The following MGMT variants were observed in gnomAD, a reference collection of about 807,000 sequenced individuals.
MGMT encodes the protein O-6-methylguanine-DNA methyltransferase, also known as methylated-DNA--protein-cysteine methyltransferase.
In MGMT, 14 loss-of-function variants were observed where a neutral mutation model predicts 15.9. The ratio of observed to expected loss-of-function variants is 0.88; its 90% CI spans 0.58 to 1.37. MGMT has a LOEUF of 1.37. Ranked by LOEUF, MGMT falls within the 40% of genes most tolerant of loss-of-function variation. MGMT has a pLI of 0.00. For missense variants in MGMT, 282 were observed against 268.1 expected (o/e 1.05, Z -0.36); for synonymous variants, 130 against 118.2 (o/e 1.10, Z -0.65).
chr10:129,501,720 G>A (rs1478759929), intron 1 of MGMT, among the ~76,000 whole-genome samples: 1 of 152,136 alleles, frequency 6.6e-6, no homozygotes, highest in African/African-American at 2.4e-5. Flanking sequence ...CGACCATTCC[G>A]AGGACTCTAA....
intron 3 of MGMT, among the ~76,000 whole-genome samples, chr10:129,710,872 T>C (rs1276987586): frequency 6.6e-6 from 1 of 152,248 alleles, no homozygotes; most frequent in African/African-American, 2.4e-5. Context: ...TTCCTTTTTC[T>C]GCACATTTTA....
intron 1 of MGMT, among the ~76,000 whole-genome samples, chr10:129,495,901 C>T (rs1278481219): frequency 6.6e-6 from 1 of 152,184 alleles, no homozygotes; most frequent in African/African-American, 2.4e-5. Context: ...AGGCCAGAGT[C>T]TGGTGTCCTC....
chr10:129,754,701 C>T (rs371606452), intron 3 of MGMT, among the ~76,000 whole-genome samples: 8 of 152,342 alleles, frequency 5.3e-5, no homozygotes, highest in African/African-American at 1.7e-4. Flanking sequence ...AGGGCCACCC[C>T]GTGGTGGAAG....
intron 1 of MGMT, among the ~76,000 whole-genome samples, chr10:129,473,083 C>T (rs1450457666): frequency 1.3e-5 from 2 of 152,194 alleles, no homozygotes; most frequent in Non-Finnish European, 2.9e-5. Context: ...GGAGCCTTGA[C>T]ATTATTCATC....
At chr10:129,646,093 CATTT>C (rs142099978) in intron 2 of MGMT, among the ~76,000 whole-genome samples, 7,501 of 152,076 alleles carry the variant, frequency 0.049, 218 homozygotes, top group Middle Eastern at 0.088. Flanking sequence ...ACAGATATGA[CATTT>C]ATAAGCCAGA....
chr10:129,560,840 T>A (rs748639646), intron 2 of MGMT, among the ~76,000 whole-genome samples: 1 of 152,196 alleles, frequency 6.6e-6, no homozygotes, highest in Non-Finnish European at 1.5e-5. Context: ...CTGTTGCTGC[T>A]ATGGAATTTC....
At chr10:129,482,342 A>G (rs937300985) in intron 1 of MGMT, among the ~76,000 whole-genome samples, 1 of 152,194 alleles carries the variant, frequency 6.6e-6, no homozygotes, top group Non-Finnish European at 1.5e-5. Context: ...AGCCCAGAAT[A>G]TGGTCTACCT....
At chr10:129,669,805 G>T (rs912161021) in intron 2 of MGMT, among the ~76,000 whole-genome samples, 1 of 152,114 alleles carries the variant, frequency 6.6e-6, no homozygotes, top group Non-Finnish European at 1.5e-5. Flanking sequence ...TGATTCAGTT[G>T]TTACTTTTCA....
At chr10:129,529,390 T>C (rs888045449) in intron 1 of MGMT, among the ~76,000 whole-genome samples, 2 of 152,078 alleles carry the variant, frequency 1.3e-5, no homozygotes, top group Non-Finnish European at 2.9e-5. Context: ...GGCACTAGAT[T>C]CTCATAAGAA....
chr10:129,560,140 G>A (rs937713439), intron 2 of MGMT, among the ~76,000 whole-genome samples: 2 of 152,214 alleles, frequency 1.3e-5, no homozygotes, highest in African/African-American at 2.4e-5. Context: ...TGATGGGAGA[G>A]CACGGGGCGT....
chr10:129,545,515 C>T (rs114690760), intron 2 of MGMT, among the ~76,000 whole-genome samples: 130 of 152,278 alleles, frequency 8.5e-4, no homozygotes, highest in African/African-American at 2.8e-3. Context: ...GCTCCTTGGA[C>T]GGTGATGTGC....
Position 129,666,080 on chromosome 10 carries a change from T to C in MGMT, c.126-41815T>C, listed in dbSNP as rs562893000. On this transcript the variant is annotated intron_variant, in intron 2 of 4. Transcript: ENST00000651593. ...ACACAAACAAATAATAATGTTTGTG[T>C]GGGGAGGGAGGGGGAGAGAAAGAAA... Among the ~76,000 whole-genome samples, 9 of 152,084 alleles carry C rather than the reference T, an allele frequency of 5.9e-5. No individual in the cohort carries two copies. The South Asian group carries it at 1.9e-3, about 32-fold the overall frequency.
intron 3 of MGMT, among the ~76,000 whole-genome samples, chr10:129,719,098 C>T (rs1478674391): frequency 2.7e-5 from 4 of 150,900 alleles, no homozygotes; most frequent in Non-Finnish European, 4.4e-5. Context: ...GCCCATTCAG[C>T]TGTGTCACCT....
intron 1 of MGMT, among the ~76,000 whole-genome samples, chr10:129,506,028 C>T (rs74160209): frequency 0.065 from 9,319 of 143,900 alleles, 1,037 homozygotes; most frequent in African/African-American, 0.23. Flanking sequence ...TTTTTTGCAG[C>T]ATTTCCTCAC....
At chr10:129,476,398 C>T (rs902080514) in intron 1 of MGMT, among the ~76,000 whole-genome samples, 2 of 152,158 alleles carry the variant, frequency 1.3e-5, no homozygotes, top group South Asian at 2.1e-4. Flanking sequence ...GGGCCTGAGA[C>T]GCTTCTCCCC....
intron 2 of MGMT, among the ~76,000 whole-genome samples, chr10:129,685,196 T>G (rs1407539050): frequency 6.6e-6 from 1 of 152,218 alleles, no homozygotes; most frequent in Non-Finnish European, 1.5e-5. Context: ...ATGTGTCAAA[T>G]GTATGAATTG....
intron 2 of MGMT, among the ~76,000 whole-genome samples, chr10:129,653,467 A>G (rs1285029372): frequency 6.6e-6 from 1 of 152,222 alleles, no homozygotes; most frequent in African/African-American, 2.4e-5. Flanking sequence ...TTACTAATCA[A>G]GGCTGCTCCC....
chr10:129,612,450 G>A (rs899218796), intron 2 of MGMT, among the ~76,000 whole-genome samples: 11 of 152,220 alleles, frequency 7.2e-5, no homozygotes, highest in African/African-American at 2.2e-4. Flanking sequence ...GTTGGGGTTA[G>A]AATTTTATAT....
intron 1 of MGMT, among the ~76,000 whole-genome samples, chr10:129,519,639 C>T (rs575882283): frequency 3.9e-5 from 6 of 152,292 alleles, no homozygotes; most frequent in African/African-American, 1.4e-4. Context: ...CCAGGCTCTT[C>T]CATTCGGGAC....
Sources: gnomAD v4.1 joint callset for allele counts (sites outside exome capture counted in the v4.1 genomes callset) on GRCh38, gnomAD v4.1.1 for gene constraint, MANE v1.5 for transcripts, NCBI Gene and HGNC (gene_info 2026-07-23, HGNC 2026-07-21) for gene names.